PCDH7: variants seen among roughly 807,000 people sequenced by gnomAD.
The protein encoded by PCDH7 is protocadherin-7.
In PCDH7, 17 loss-of-function variants were observed where a neutral mutation model predicts 58.9. The ratio of observed to expected loss-of-function variants is 0.29; its 90% CI spans 0.20 to 0.43. The LOEUF (loss-of-function observed/expected upper bound fraction) is 0.43. Among genes scored for constraint, PCDH7 ranks in the 20% least tolerant of loss-of-function variants. The pLI is 1.00. For missense variants in PCDH7, 1,274 were observed against 1,441.0 expected (o/e 0.88, Z 1.88); for synonymous variants, 664 against 616.4 (o/e 1.08, Z -1.14).
chr4:30,991,620 G>A (rs1325770631), intron 3 of PCDH7, among the ~76,000 whole-genome samples: 2 of 152,098 alleles, frequency 1.3e-5, no homozygotes, highest in Non-Finnish European at 2.9e-5. Flanking sequence ...AACTTTAAAA[G>A]GCAAAGGTTA....
intron 1 of PCDH7, among the ~76,000 whole-genome samples, chr4:30,747,814 G>C (rs543949630): frequency 6.6e-6 from 1 of 152,284 alleles, no homozygotes; most frequent in African/African-American, 2.4e-5. Flanking sequence ...GCATACTACA[G>C]GTCTGATTGG....
chr4:31,109,121 G>A (rs1332664781), intron 3 of PCDH7, among the ~76,000 whole-genome samples: 1 of 152,158 alleles, frequency 6.6e-6, no homozygotes, highest in Non-Finnish European at 1.5e-5. Context: ...AAGGCTGGGA[G>A]TGTAACAATG....
chr4:31,128,959 C>A (rs1718643654), intron 3 of PCDH7, among the ~76,000 whole-genome samples: 1 of 152,172 alleles, frequency 6.6e-6, no homozygotes, highest in African/African-American at 2.4e-5. Flanking sequence ...GCTTTCTCAG[C>A]TTGGCCAGTG....
chr4:30,830,069 C>G (rs1001356536), intron 1 of PCDH7, among the ~76,000 whole-genome samples: 3 of 152,006 alleles, frequency 2.0e-5, no homozygotes, highest in African/African-American at 7.2e-5. Flanking sequence ...TGTTTAATAG[C>G]AATCTTTTCT....
In PCDH7 at chr4:30,787,782, C is replaced by T. The variant is rs188100998; in HGVS notation, c.70+63186C>T. Among the ~76,000 whole-genome samples the T allele has an allele frequency of 2.7e-3, 411 of 152,020 alleles. 2 individuals carry two copies. Among genetic ancestry groups the T allele is most frequent in the Middle Eastern group, 0.017 (5 of 294 alleles). On this transcript the variant is annotated intron_variant, in intron 1 of 3. Transcript: ENST00000509759. ...AGGTATGTGTATGCACTTATGTGTG[C>T]GTGTACAAGTGGAAGGAGGTAAAAT...
At chr4:30,890,284 C>A (rs1477640927) in intron 1 of PCDH7, among the ~76,000 whole-genome samples, 1 of 151,982 alleles carries the variant, frequency 6.6e-6, no homozygotes, top group Non-Finnish European at 1.5e-5. Flanking sequence ...TCATTTAATG[C>A]AATTCATACT....
chr4:30,913,442 G>A (rs6843117), intron 1 of PCDH7, among the ~76,000 whole-genome samples: 4,151 of 152,126 alleles, frequency 0.027, 186 homozygotes, highest in African/African-American at 0.093. Context: ...TAGTGAATTT[G>A]AAATATGTGG....
chr4:30,801,167 A>T (rs1464434606), intron 1 of PCDH7, among the ~76,000 whole-genome samples: 3 of 152,168 alleles, frequency 2.0e-5, no homozygotes, highest in Non-Finnish European at 4.4e-5. Flanking sequence ...AAAAGATTAG[A>T]TGTTGGGGAA....
chr4:30,856,693 GA>G (rs33918177), intron 1 of PCDH7, among the ~76,000 whole-genome samples: 33,363 of 139,100 alleles, frequency 0.24, 4,394 homozygotes, highest in Middle Eastern at 0.32. Flanking sequence ...ACTGATATCA[GA>G]AAAAAAAAAA....
intron 1 of PCDH7, among the ~76,000 whole-genome samples, chr4:30,858,676 A>G (rs2109352371): frequency 6.6e-6 from 1 of 152,318 alleles, no homozygotes; most frequent in South Asian, 2.1e-4. Context: ...TTGGTAGGCA[A>G]GAGTAGCAAA....
intron 3 of PCDH7, among the ~76,000 whole-genome samples, chr4:31,114,217 G>T (rs1187963154): frequency 6.6e-6 from 1 of 152,032 alleles, no homozygotes; most frequent in African/African-American, 2.4e-5. Flanking sequence ...TTTCTAATCA[G>T]TAGAAATTGC....
intron 3 of PCDH7, among the ~76,000 whole-genome samples, chr4:31,078,510 A>G: frequency 6.8e-6 from 1 of 146,500 alleles, no homozygotes; most frequent in Non-Finnish European, 1.5e-5. Context: ...GTTTCCAGAG[A>G]CTAGGTCTTG....
intron 3 of PCDH7, among the ~76,000 whole-genome samples, chr4:31,038,806 T>C (rs1046755545): frequency 6.6e-6 from 1 of 152,190 alleles, no homozygotes; most frequent in Admixed American, 6.5e-5. Flanking sequence ...GGTTCTTTGC[T>C]ATATTTATCA....
At chr4:30,888,100 C>T (rs1287856340) in intron 1 of PCDH7, among the ~76,000 whole-genome samples, 1 of 151,932 alleles carries the variant, frequency 6.6e-6, no homozygotes, top group African/African-American at 2.4e-5. Context: ...GGTCTCGAAC[C>T]CCTGACCTCA....
intron 3 of PCDH7, among the ~76,000 whole-genome samples, chr4:31,087,817 G>C (rs570335600): frequency 6.6e-6 from 1 of 152,098 alleles, no homozygotes; most frequent in Admixed American, 6.5e-5. Flanking sequence ...TTAGTTTTCT[G>C]GAGCATCACA....
chr4:30,921,038 G>A (rs1743125735), intron 2 of PCDH7, among the ~76,000 whole-genome samples: 1 of 151,806 alleles, frequency 6.6e-6, no homozygotes, highest in Admixed American at 6.6e-5. Flanking sequence ...ACCACAATTG[G>A]CCTTGTATAC....
At chr4:30,942,234 T>G (rs990377459) in intron 2 of PCDH7, among the ~76,000 whole-genome samples, 2 of 151,998 alleles carry the variant, frequency 1.3e-5, no homozygotes, top group African/African-American at 4.8e-5. Flanking sequence ...CTTTAATATT[T>G]TATTTATTTT....
intron 1 of PCDH7, among the ~76,000 whole-genome samples, chr4:30,838,130 G>A (rs763275999): frequency 6.6e-6 from 1 of 151,820 alleles, no homozygotes; most frequent in Non-Finnish European, 1.5e-5. Flanking sequence ...ATTGGCAAGT[G>A]AGTCCTTAAA....
chr4:30,799,569 C>A (rs1289391147), intron 1 of PCDH7, among the ~76,000 whole-genome samples: 1 of 152,062 alleles, frequency 6.6e-6, no homozygotes. Flanking sequence ...TTATCATGTA[C>A]TTTCTTACAA....
Sources: gnomAD v4.1 joint callset for allele counts (sites outside exome capture counted in the v4.1 genomes callset) on GRCh38, gnomAD v4.1.1 for gene constraint, MANE v1.5 for transcripts, NCBI Gene and HGNC (gene_info 2026-07-23, HGNC 2026-07-21) for gene names.